Variants in RPS6KA2 observed in about 807,000 individuals in gnomAD.
RPS6KA2 encodes the protein ribosomal protein S6 kinase alpha-2.
RPS6KA2 carries 42 observed loss-of-function variants against 91.8 expected under a neutral mutation model. The observed-to-expected ratio is 0.46, with a 90% CI of 0.36 to 0.59. RPS6KA2 has a LOEUF of 0.59. Among genes scored for constraint, RPS6KA2 ranks in the 20% least tolerant of loss-of-function variants. The pLI is 0.00. For missense variants in RPS6KA2, 798 were observed against 978.5 expected, an observed-to-expected ratio of 0.82 and a Z score of 2.46; for synonymous variants, 414 against 393.6, an observed-to-expected ratio of 1.05 and a Z score of -0.61.
intron 12 of RPS6KA2, among the ~76,000 whole-genome samples, chr6:166,455,829 G>A (rs1244901948): frequency 6.6e-6 from 1 of 152,172 alleles, no homozygotes; most frequent in Admixed American, 6.5e-5. Context: ...TTCTCCCCCG[G>A]AAAAATGAAA....
intron 2 of RPS6KA2, among the ~76,000 whole-genome samples, chr6:166,850,363 A>G (rs1780708955): frequency 6.6e-6 from 1 of 152,180 alleles, no homozygotes. Flanking sequence ...TATAAATCTT[A>G]CCAAAATTAT....
Position 166,411,416 on chromosome 6 carries a change from C to CGCCAGGGA in RPS6KA2, c.*1338_*1345dup, listed in dbSNP as rs1778299418. 6.6e-6 allele frequency: 1 copy of CGCCAGGGA among 152,002 alleles called. No homozygotes were observed. Among genetic ancestry groups the CGCCAGGGA allele is most frequent in the Admixed American group, 6.5e-5 (1 of 15,278 alleles). 9.4% of individuals were successfully genotyped at this position (152,002 alleles called of 1,614,324 possible). ...CCTCCCATCTAGTCTGCTTGGGGGC[C>CGCCAGGGA]GCCAGGGAGCATCTTCAACACCCTT... is the stretch of plus-strand genomic sequence containing the variant. On this transcript the variant is annotated 3_prime_UTR_variant, in exon 21 of 21. Transcript: ENST00000265678. The surrounding 1 kb of genome is among the most constrained non-coding windows in gnomAD (Gnocchi z 4.5).
In RPS6KA2 at chr6:166,412,870, G is replaced by A; in HGVS notation, c.2094C>T (p.Thr698=). 6.4e-7 allele frequency: 1 copy of A among 1,560,162 alleles called. No individual in the cohort carries two copies. Among genetic ancestry groups the A allele is most frequent in the Middle Eastern group, 1.7e-4 (1 of 5,984 alleles). ...VHLVKGAMAA[T]YFALNRTPQA... is the part of the protein sequence containing the mutation. The stretch of plus-strand genomic sequence containing the variant: ...GAGGTGTTCTGTTTAGAGCAAAGTA[G>A]GTGGCGGCCATCGCGCCCTGCAAAA... The change falls in exon 21 of 21, where the codon ACC becomes ACT. Residue 698 remains threonine (T), a synonymous_variant. Coordinates refer to ENST00000265678, the MANE Select transcript of RPS6KA2 (RefSeq NM_021135.6). The surrounding 1 kb of genome is among the most constrained non-coding windows in gnomAD (Gnocchi z 4.3).
At chr6:166,601,088 T>C (rs1329225378) in intron 1 of RPS6KA2, among the ~76,000 whole-genome samples, 1 of 152,150 alleles carries the variant, frequency 6.6e-6, no homozygotes, top group East Asian at 1.9e-4. Flanking sequence ...ACGTGGCCTA[T>C]CTTAGAACCT....
intron 8 of RPS6KA2, among the ~76,000 whole-genome samples, chr6:166,497,719 C>T (rs866486149): frequency 6.6e-6 from 1 of 152,262 alleles, no homozygotes; most frequent in Non-Finnish European, 1.5e-5. Flanking sequence ...GGAGGAGAGG[C>T]GGTCAAAACT....
chr6:166,701,073 TG>T, intron 2 of RPS6KA2: 1 of 1,550,954 alleles, frequency 6.4e-7, no homozygotes. Context: ...TCTGCCTCCG[TG>T]GTGGGCTGTT....
chr6:166,481,525 G>C (rs1781213453), intron 10 of RPS6KA2, among the ~76,000 whole-genome samples: 1 of 152,244 alleles, frequency 6.6e-6, no homozygotes, highest in South Asian at 2.1e-4. Flanking sequence ...ATGTGCTGCA[G>C]TGTGGAGAGC....
At chr6:166,746,817 G>C (rs189203465) in intron 2 of RPS6KA2, among the ~76,000 whole-genome samples, 56 of 152,328 alleles carry the variant, frequency 3.7e-4, no homozygotes, top group African/African-American at 1.3e-3. Context: ...CAACTAATTT[G>C]CCTCAAGTTC....
rs557720948 is a variant in RPS6KA2 at position 166,440,577 on chromosome 6, T to G, written c.1333-8087A>C. Among the ~76,000 whole-genome samples the G allele has an allele frequency of 1.3e-4, 20 of 152,374 alleles. No homozygotes were observed. In the South Asian group the frequency reaches 3.3e-3, roughly 25 times the overall value. On this transcript the variant is annotated intron_variant, in intron 14 of 20. Coordinates refer to ENST00000265678, the MANE Select transcript of RPS6KA2 (RefSeq NM_021135.6). The stretch of plus-strand genomic sequence containing the variant: ...TCTGAATCATCAGAATTGTCTATTT[T>G]GGAAAAATTGGATTCATCAAATGAA...
chr6:166,638,515 CA>C (rs1304841544), intron 2 of RPS6KA2, among the ~76,000 whole-genome samples: 5 of 150,358 alleles, frequency 3.3e-5, no homozygotes, highest in South Asian at 4.5e-4. Flanking sequence ...TATTAAAGAG[CA>C]AATTAGATGT....
At chr6:166,616,402 G>A (rs1177970428) in intron 1 of RPS6KA2, among the ~76,000 whole-genome samples, 1 of 152,146 alleles carries the variant, frequency 6.6e-6, no homozygotes, top group Non-Finnish European at 1.5e-5. Context: ...CACCACTAAC[G>A]GGACCCGCCC....
At chr6:166,740,634 G>A (rs558043295) in intron 2 of RPS6KA2, among the ~76,000 whole-genome samples, 13 of 152,148 alleles carry the variant, frequency 8.5e-5, no homozygotes, top group Non-Finnish European at 1.0e-4. Flanking sequence ...CTCACACATA[G>A]ACAAAGTTAA....
At chr6:166,504,448 G>T (rs754145607) in intron 6 of RPS6KA2, 58 bp downstream of exon 6, 50 of 1,040,170 alleles carry the variant, frequency 4.8e-5, no homozygotes, top group Non-Finnish European at 6.9e-5. Context: ...ACATGGGCCA[G>T]GAAAATACAT....
rs990887619 is a variant in RPS6KA2 at position 166,435,144 on chromosome 6, A to T, written c.1333-2654T>A. Among the ~76,000 whole-genome samples the T allele has an allele frequency of 3.3e-5, 5 of 152,220 alleles. No individual in the cohort carries two copies. The highest frequency in any genetic ancestry group is 4.8e-5 in the African/African-American group (2 of 41,458). On this transcript the variant is annotated intron_variant, in intron 14 of 20. Transcript: ENST00000265678. This position sits in a 1 kb window ranked among gnomAD's most constrained non-coding sequence, Gnocchi z 4.3. Reference sequence around the variant, plus strand: ...GGACAACGTGACTATTATTTTAAAGAATCTGGGACTACAGATGGCTGCCCT... The same window carrying T: ...GGACAACGTGACTATTATTTTAAAGTATCTGGGACTACAGATGGCTGCCCT...
At chr6:166,544,219 A>C (rs1201528525) in intron 1 of RPS6KA2, among the ~76,000 whole-genome samples, 1 of 152,260 alleles carries the variant, frequency 6.6e-6, no homozygotes, top group Non-Finnish European at 1.5e-5. Context: ...AGGGCTAGCC[A>C]CATGTAGTCT....
chr6:166,534,006 A>T (rs2128492850), intron 2 of RPS6KA2, among the ~76,000 whole-genome samples: 1 of 152,154 alleles, frequency 6.6e-6, no homozygotes, highest in Middle Eastern at 3.4e-3. Flanking sequence ...GCGGATCACG[A>T]GGTCAGGAGA....
At chr6:166,507,684 A>C (rs1195221578) in intron 5 of RPS6KA2, among the ~76,000 whole-genome samples, 1 of 141,128 alleles carries the variant, frequency 7.1e-6, no homozygotes, top group Admixed American at 7.1e-5. Context: ...TGCCAAACAC[A>C]CCCCCACATA....
At chr6:166,717,431 G>T (rs1790043549) in intron 2 of RPS6KA2, among the ~76,000 whole-genome samples, 1 of 152,214 alleles carries the variant, frequency 6.6e-6, no homozygotes, top group Admixed American at 6.5e-5. Context: ...CTGGCACCAG[G>T]AGTCTCTCCC....
chr6:166,823,680 T>G (rs1779961642), intron 2 of RPS6KA2, among the ~76,000 whole-genome samples: 1 of 152,154 alleles, frequency 6.6e-6, no homozygotes, highest in Non-Finnish European at 1.5e-5. Flanking sequence ...CTTCTGCAAT[T>G]GCTCAAAATT....
Sources: gnomAD v4.1 joint callset for allele counts (sites outside exome capture counted in the v4.1 genomes callset) on GRCh38, gnomAD v4.1.1 for gene constraint, Gnocchi (gnomAD v3.1) non-coding constraint, MANE v1.5 for transcripts, NCBI Gene and HGNC (gene_info 2026-07-23, HGNC 2026-07-21) for gene names.